PSPC1: variants seen among roughly 807,000 people sequenced by gnomAD.
PSPC1 encodes the protein paraspeckle component 1.
A neutral mutation model predicts 51.6 loss-of-function variants in PSPC1; 14 were observed. The observed-to-expected ratio is 0.27, with a 90% CI of 0.18 to 0.42. PSPC1 has a LOEUF of 0.42. Ranked by LOEUF, PSPC1 falls within the 10% of genes least tolerant of loss-of-function variation. The probability of loss-of-function intolerance (pLI) is 1.00; values close to 1 mark genes in which losing one functional copy is unlikely to be tolerated. For synonymous variants in PSPC1, 193 were observed against 231.9 expected (o/e 0.83, Z 1.53); for missense variants, 406 against 701.1 (o/e 0.58, Z 4.75).
chr13:19,725,202 C>A (rs963448378), intron 6 of PSPC1, among the ~76,000 whole-genome samples: 1 of 151,974 alleles, frequency 6.6e-6, no homozygotes, highest in African/African-American at 2.4e-5. Context: ...ATTTTAAAAT[C>A]CCAGGTGTCA....
chr13:19,739,714 G>T (rs1885225716), intron 5 of PSPC1, among the ~76,000 whole-genome samples: 2 of 152,010 alleles, frequency 1.3e-5, no homozygotes, highest in South Asian at 4.1e-4. Flanking sequence ...TTGCATTCAA[G>T]CCTGGGCAGC....
intron 5 of PSPC1, among the ~76,000 whole-genome samples, chr13:19,731,506 CA>C (rs1884111900): frequency 6.6e-6 from 1 of 152,116 alleles, no homozygotes; most frequent in Admixed American, 6.6e-5. Context: ...CTTGACCTCC[CA>C]GGCTCAAGCA....
At chr13:19,780,208 C>T (rs1426206860) in intron 1 of PSPC1, among the ~76,000 whole-genome samples, 1 of 138,472 alleles carries the variant, frequency 7.2e-6, no homozygotes, top group African/African-American at 2.6e-5. Context: ...CCCCCCCGCC[C>T]GGCCAGCCAC....
intron 3 of PSPC1, among the ~76,000 whole-genome samples, chr13:19,752,306 ACCT>A (rs975992817): frequency 2.0e-4 from 31 of 152,276 alleles, no homozygotes; most frequent in African/African-American, 7.5e-4. Flanking sequence ...CTGTACCACC[ACCT>A]CAAGTACCTA....
At chr13:19,781,939 C>T (rs1179114794) in intron 1 of PSPC1, among the ~76,000 whole-genome samples, 1 of 152,202 alleles carries the variant, frequency 6.6e-6, no homozygotes, top group East Asian at 1.9e-4. Context: ...CTTAAGCTTC[C>T]TTTCCAAATG....
intron 4 of PSPC1, among the ~76,000 whole-genome samples, chr13:19,750,425 C>A (rs1445960712): frequency 1.4e-5 from 2 of 146,674 alleles, no homozygotes; most frequent in East Asian, 4.0e-4. Context: ...GAGCAAGACT[C>A]CATCTCAAAA....
rs532354461 is a variant in PSPC1, at chr13:19,772,628, T to C, written c.373-85A>G. Reference sequence around the variant, plus strand: ...TGTTTGGCTTCTAGGGAGAACTAGGTATCTTTAGCAAATGGCTGACAGGGT... The same window carrying C: ...TGTTTGGCTTCTAGGGAGAACTAGGCATCTTTAGCAAATGGCTGACAGGGT... On this transcript the variant is annotated intron_variant, in intron 1 of 8. Transcript: ENST00000338910. 9 of 1,324,366 alleles carry C rather than the reference T, an allele frequency of 6.8e-6. No homozygotes were observed. The African/African-American group carries it at 1.2e-4, about 17-fold the overall frequency. 82.0% of individuals were successfully genotyped at this position (1,324,366 alleles called of 1,614,324 possible). A position where few individuals can be genotyped will look rare whatever the true frequency, so the allele number is the denominator to read the frequency against.
chr13:19,698,881 G>T (rs1164495551), downstream of PSPC1, among the ~76,000 whole-genome samples: 1 of 151,668 alleles, frequency 6.6e-6, no homozygotes, highest in African/African-American at 2.4e-5. Context: ...GGAAATAACA[G>T]ACTTCTGTTA....
intron 5 of PSPC1, among the ~76,000 whole-genome samples, chr13:19,738,304 C>T (rs1419374107): frequency 2.0e-5 from 3 of 152,104 alleles, no homozygotes; most frequent in Non-Finnish European, 4.4e-5. Context: ...CCACAATATA[C>T]AGTCATACCT....
chr13:19,777,673 C>A (rs1237318028), intron 1 of PSPC1, among the ~76,000 whole-genome samples: 7 of 152,122 alleles, frequency 4.6e-5, no homozygotes, highest in African/African-American at 1.2e-4. Context: ...TCTCACCAGG[C>A]ACAGTGGCTC....
intron 1 of PSPC1, among the ~76,000 whole-genome samples, chr13:19,780,927 C>T (rs1036426440): frequency 3.3e-5 from 5 of 152,040 alleles, no homozygotes; most frequent in South Asian, 2.1e-4. Context: ...GAGGCCAAGG[C>T]GGGAGGATCG....
chr13:19,748,127 C>T (rs1055408150), intron 4 of PSPC1, among the ~76,000 whole-genome samples: 4 of 151,814 alleles, frequency 2.6e-5, no homozygotes, highest in African/African-American at 9.7e-5. Context: ...GCAGGAGAAT[C>T]GCTTGAACTC....
chr13:19,732,014 A>G (rs1440696413), intron 5 of PSPC1, among the ~76,000 whole-genome samples: 1 of 152,156 alleles, frequency 6.6e-6, no homozygotes, highest in East Asian at 1.9e-4. Context: ...CAAATCCTCA[A>G]ATTTCAAGAT....
At chr13:19,673,180 C>T (rs1284514652), downstream of PSPC1, 1 of 449,876 alleles carries the variant, frequency 2.2e-6, no homozygotes, top group East Asian at 7.0e-5. Context: ...ACAGCCAAAC[C>T]TGGCTGTCAG....
chr13:19,769,293 C>T (rs754429235), intron 2 of PSPC1, among the ~76,000 whole-genome samples: 3 of 151,784 alleles, frequency 2.0e-5, no homozygotes, highest in Admixed American at 6.6e-5. Context: ...CAGTGGCTCA[C>T]GCCTGTAATC....
chr13:19,718,532 G>A (rs992005319), intron 6 of PSPC1, among the ~76,000 whole-genome samples: 74 of 152,206 alleles, frequency 4.9e-4, no homozygotes, highest in African/African-American at 1.6e-3. Context: ...ATTGCTGAAG[G>A]GAATACAAAC....
chr13:19,737,493 T>G (rs1444000699), intron 5 of PSPC1, among the ~76,000 whole-genome samples: 1 of 152,198 alleles, frequency 6.6e-6, no homozygotes, highest in East Asian at 1.9e-4. Flanking sequence ...TAATGTTATA[T>G]CCCATTCAGT....
At chr13:19,755,992 C>A (rs1002102221) in intron 3 of PSPC1, among the ~76,000 whole-genome samples, 4 of 151,958 alleles carry the variant, frequency 2.6e-5, no homozygotes, top group African/African-American at 9.7e-5. Context: ...ATCCCAGCAC[C>A]TTGGGAGGCC....
intron 1 of PSPC1, among the ~76,000 whole-genome samples, chr13:19,776,514 C>CA: frequency 6.6e-6 from 1 of 151,380 alleles, no homozygotes; most frequent in Non-Finnish European, 1.5e-5. Flanking sequence ...TTACTATATG[C>CA]AAATTTTTTT....
Sources: gnomAD v4.1 joint callset for allele counts (sites outside exome capture counted in the v4.1 genomes callset) on GRCh38, gnomAD v4.1.1 for gene constraint, MANE v1.5 for transcripts, NCBI Gene and HGNC (gene_info 2026-07-23, HGNC 2026-07-21) for gene names.